ADAMTS12: variants seen among roughly 807,000 people sequenced by gnomAD.
The protein encoded by ADAMTS12 is A disintegrin and metalloproteinase with thrombospondin motifs 12.
In ADAMTS12, 118 loss-of-function variants were observed where a neutral mutation model predicts 167.8. The ratio of observed to expected loss-of-function variants is 0.70; its 90% confidence interval spans 0.61 to 0.82. The LOEUF (loss-of-function observed/expected upper bound fraction) is 0.82, where lower values mean the gene tolerates loss of function less well. ADAMTS12 is among the 40% of genes least tolerant of loss of function. The pLI is 0.00. For synonymous variants in ADAMTS12, 704 were observed against 716.9 expected (o/e 0.98, Z 0.29); for missense variants, 1,916 against 1,998.8 (o/e 0.96, Z 0.79).
chr5:33,885,110 A>C (rs1457239150), intron 1 of ADAMTS12, among the ~76,000 whole-genome samples: 1 of 152,218 alleles, frequency 6.6e-6, no homozygotes, highest in Non-Finnish European at 1.5e-5. Flanking sequence ...GAAACCAACA[A>C]GTGTGATTCT....
intron 17 of ADAMTS12, among the ~76,000 whole-genome samples, chr5:33,594,778 G>T (rs993804709): frequency 3.3e-5 from 5 of 152,180 alleles, no homozygotes; most frequent in Non-Finnish European, 5.9e-5. Flanking sequence ...CTCTCTCTGA[G>T]CTGAGAATAC....
intron 3 of ADAMTS12, among the ~76,000 whole-genome samples, chr5:33,728,406 G>A (rs1333803841): frequency 2.0e-5 from 3 of 152,190 alleles, no homozygotes; most frequent in Admixed American, 6.5e-5. Flanking sequence ...TGAGACCTTG[G>A]TGGCAGGTGT....
chr5:33,653,636 T>C (rs1482829218), intron 7 of ADAMTS12, among the ~76,000 whole-genome samples: 1 of 152,198 alleles, frequency 6.6e-6, no homozygotes, highest in African/African-American at 2.4e-5. Context: ...ACCTCTTCTT[T>C]GGGCTTCCAT....
intron 2 of ADAMTS12, among the ~76,000 whole-genome samples, chr5:33,769,478 T>C (rs988792277): frequency 6.6e-6 from 1 of 152,168 alleles, no homozygotes; most frequent in African/African-American, 2.4e-5. Context: ...CTGGAAATTT[T>C]AGCTACTTAA....
chr5:33,643,281 C>T, intron 10 of ADAMTS12, 97 bp downstream of exon 10: 2 of 1,221,426 alleles, frequency 1.6e-6, no homozygotes, highest in South Asian at 1.2e-5. Flanking sequence ...CACTGCTCTT[C>T]CCTTAGAGAG....
chr5:33,836,791 G>T (rs1164155242), intron 2 of ADAMTS12, among the ~76,000 whole-genome samples: 1 of 152,204 alleles, frequency 6.6e-6, no homozygotes, highest in Non-Finnish European at 1.5e-5. Flanking sequence ...CACAGACCAG[G>T]GCTGGGAAAG....
At chr5:33,874,499 G>A (rs533428663) in intron 2 of ADAMTS12, among the ~76,000 whole-genome samples, 1 of 152,310 alleles carries the variant, frequency 6.6e-6, no homozygotes, top group Non-Finnish European at 1.5e-5. Context: ...AAATAGTGCA[G>A]CCACTTTGGA....
At position 33,526,975 on chromosome 5, in the gene ADAMTS12, A is replaced by AGGT; in HGVS notation, c.*212_*213insACC. On this transcript the variant is annotated 3_prime_UTR_variant, in exon 24 of 24. Transcript: ENST00000504830. ...GCTGCCTGATTCTCCTAGCTATTTC[A>AGGT]CCTTCCTATCAGGGAGCAGCAAGTA... 1 of 560,794 alleles carries AGGT rather than the reference A, an allele frequency of 1.8e-6. No individual in the cohort carries two copies. The highest frequency in any genetic ancestry group is 2.6e-5 in the South Asian group (1 of 38,550). 34.7% of individuals were successfully genotyped at this position (560,794 alleles called of 1,614,324 possible).
chr5:33,869,063 G>C (rs537412405), intron 2 of ADAMTS12, among the ~76,000 whole-genome samples: 1 of 152,270 alleles, frequency 6.6e-6, no homozygotes, highest in Non-Finnish European at 1.5e-5. Context: ...TGCCTCAAAA[G>C]CATTCTAGAG....
Position 33,814,448 on chromosome 5 carries a change from A to T in ADAMTS12, c.490-62900T>A, listed in dbSNP as rs897857089. Among the ~76,000 whole-genome samples, 12 of 152,352 alleles carry T rather than the reference A, an allele frequency of 7.9e-5. 1 individual carries two copies. The highest frequency in any genetic ancestry group is 1.9e-4 in the East Asian group (1 of 5,188). On this transcript the variant is annotated intron_variant, in intron 2 of 23. Coordinates refer to ENST00000504830, the MANE Select transcript of ADAMTS12 (RefSeq NM_030955.4). ...GTTCTGTTCAATTTGCATAAGTTAA[A>T]TTTAAATTTTCTGTTAGCTCAATTA... is the stretch of plus-strand genomic sequence containing the variant.
At chr5:33,541,187 T>C (rs1561111588) in intron 22 of ADAMTS12, among the ~76,000 whole-genome samples, 1 of 152,202 alleles carries the variant, frequency 6.6e-6, no homozygotes, top group Admixed American at 6.5e-5. Flanking sequence ...TCGTGACGCA[T>C]GCATAAGCTT....
chr5:33,648,839 A>T lies in ADAMTS12; in HGVS notation c.1462T>A (p.Phe488Ile). ...ACACTTACTTCTACTTCCTGGCAGA[A>T]GGTAGCATTGGGTCCATATTGTAGC... ...CQLQYGPNAT[F>I]CQEVENVCQT... is the part of the protein sequence containing the mutation. Residue 488 changes from phenylalanine (F) to isoleucine (I), a missense_variant, in exon 9 of 24, where the codon TTC becomes ATC. By Grantham distance (21) the Phe-to-Ile change is conservative (BLOSUM62 0). Coordinates refer to ENST00000504830, the MANE Select transcript of ADAMTS12 (RefSeq NM_030955.4). The T allele has an allele frequency of 6.2e-7, 1 of 1,614,036 alleles. No individual in the cohort carries two copies. The highest frequency in any genetic ancestry group is 1.1e-5 in the South Asian group (1 of 91,058).
At chr5:33,588,916 G>A in intron 17 of ADAMTS12, 107 bp from the exon 18 acceptor site, 2 of 1,343,692 alleles carry the variant, frequency 1.5e-6, no homozygotes, top group South Asian at 1.3e-5. Flanking sequence ...GGCTGGAAGG[G>A]CCATGGAGAC....
intron 2 of ADAMTS12, among the ~76,000 whole-genome samples, chr5:33,757,692 G>A (rs1026081075): frequency 2.6e-5 from 4 of 152,160 alleles, no homozygotes; most frequent in East Asian, 1.9e-4. Context: ...GATCAAAAAC[G>A]TATGATATGG....
chr5:33,810,314 A>T (rs1298407792), intron 2 of ADAMTS12, among the ~76,000 whole-genome samples: 1 of 152,198 alleles, frequency 6.6e-6, no homozygotes, highest in Non-Finnish European at 1.5e-5. Context: ...ATCCCTCTAA[A>T]AATCCCATGT....
At position 33,540,786 on chromosome 5, in the gene ADAMTS12, A is replaced by C. The variant is rs1247090606; in HGVS notation, c.4446+5273T>G. On this transcript the variant is annotated intron_variant, in intron 22 of 23. Coordinates refer to ENST00000504830, the MANE Select transcript of ADAMTS12 (RefSeq NM_030955.4). The stretch of plus-strand genomic sequence containing the variant: ...CTAACAAACAGAAAGGAATAGCATC[A>C]ACATCAACAAAAAGGACATCTACAC... 4.6e-5 allele frequency among the ~76,000 whole-genome samples: 7 copies of C among 151,848 alleles called. No individual in the cohort carries two copies. In the East Asian group the frequency reaches 1.4e-3, roughly 29 times the overall value.
intron 7 of ADAMTS12, among the ~76,000 whole-genome samples, chr5:33,657,230 A>G (rs959691434): frequency 6.6e-6 from 1 of 152,168 alleles, no homozygotes; most frequent in African/African-American, 2.4e-5. Flanking sequence ...CTGAAACTGG[A>G]GAGGCCAGGC....
intron 20 of ADAMTS12, 38 bp from the exon 21 acceptor site, chr5:33,549,421 A>C (rs995764395): frequency 1.3e-6 from 2 of 1,589,834 alleles, no homozygotes; most frequent in Admixed American, 3.4e-5. Flanking sequence ...TCTCTGAGTC[A>C]TTGGCATCAG....
At chr5:33,643,619 G>GT in intron 9 of ADAMTS12, 149 bp from the exon 10 acceptor site, 1 of 698,492 alleles carries the variant, frequency 1.4e-6, no homozygotes. Context: ...AATCATTAGA[G>GT]TTTTCAGTTC....
Sources: allele counts gnomAD v4.1 joint callset (sites outside exome capture counted in the v4.1 genomes callset), GRCh38; gene constraint gnomAD v4.1.1; transcripts MANE v1.5; gene names NCBI Gene and HGNC (gene_info 2026-07-23, HGNC 2026-07-21).